The following NTRK3 variants were observed in gnomAD, a reference collection of about 807,000 sequenced individuals.
NTRK3 encodes neurotrophic receptor tyrosine kinase 3.
A neutral mutation model predicts 91.7 loss-of-function variants in NTRK3; 24 were observed. The observed-to-expected ratio is 0.26, with a 90% CI of 0.19 to 0.37. The LOEUF is 0.37. Ranked by LOEUF, NTRK3 falls within the 10% of genes least tolerant of loss-of-function variation. The pLI is 1.00. For synonymous variants in NTRK3, 483 were observed against 404.0 expected (o/e 1.20, Z -2.34); for missense variants, 880 against 1,068.9 (o/e 0.82, Z 2.46).
At chr15:87,896,178 A>C (rs1423412789) in intron 17 of NTRK3, among the ~76,000 whole-genome samples, 4 of 152,308 alleles carry the variant, frequency 2.6e-5, no homozygotes, top group Middle Eastern at 3.4e-3. Context: ...TAAATCTCTT[A>C]AAATATTTTA....
intron 5 of NTRK3, among the ~76,000 whole-genome samples, chr15:88,152,254 T>A (rs1315073904): frequency 2.6e-5 from 4 of 152,104 alleles, no homozygotes; most frequent in African/African-American, 9.7e-5. Flanking sequence ...TGAGCTGAGA[T>A]TGCGCCATTG....
At chr15:87,897,043 AT>A (rs1353889356) in intron 17 of NTRK3, among the ~76,000 whole-genome samples, 1 of 152,180 alleles carries the variant, frequency 6.6e-6, no homozygotes, top group Non-Finnish European at 1.5e-5. Flanking sequence ...AACAGCATCC[AT>A]TTAGCAGAAT....
At chr15:87,937,529 C>T (rs1195078613) in intron 15 of NTRK3, among the ~76,000 whole-genome samples, 1 of 152,084 alleles carries the variant, frequency 6.6e-6, no homozygotes, top group African/African-American at 2.4e-5. Context: ...ATTGTGACTA[C>T]TCAAAACAAA....
In NTRK3 at chr15:88,255,698, A is replaced by G. The variant is rs961159051; in HGVS notation, c.248+208T>C. Among the ~76,000 whole-genome samples the G allele has an allele frequency of 6.6e-6, 1 of 152,138 alleles. No individual in the cohort carries two copies. Among genetic ancestry groups the G allele is most frequent in the Non-Finnish European group, 1.5e-5 (1 of 68,026 alleles). On this transcript the variant is annotated intron_variant, in intron 3 of 18. Transcript: ENST00000394480. This position sits in a 1 kb window ranked among gnomAD's most constrained non-coding sequence, Gnocchi z 4.3. ...TCCGGGGAGAGGCACACACACGCATAGCCGGATCGCGCCTCGCCAGGGCCG... is the reference window on the plus strand; with the variant it reads ...TCCGGGGAGAGGCACACACACGCATGGCCGGATCGCGCCTCGCCAGGGCCG...
At chr15:87,970,993 T>C (rs1159458288) in intron 14 of NTRK3, among the ~76,000 whole-genome samples, 13 of 152,182 alleles carry the variant, frequency 8.5e-5, no homozygotes, top group Admixed American at 5.9e-4. Context: ...GTGGGGTTAT[T>C]CTGGTCTTCT....
chr15:87,916,477 A>G (rs1357464093), intron 17 of NTRK3: 4 of 701,468 alleles, frequency 5.7e-6, no homozygotes, highest in Non-Finnish European at 7.8e-6. Flanking sequence ...ATCCAATATA[A>G]GCATGCTTCA....
At chr15:88,101,656 G>A (rs2050186984) in intron 13 of NTRK3, among the ~76,000 whole-genome samples, 1 of 152,198 alleles carries the variant, frequency 6.6e-6, no homozygotes, top group South Asian at 2.1e-4. Context: ...AGAAAATGTG[G>A]CACATATACA....
chr15:87,912,409 C>T (rs1041145693), intron 17 of NTRK3, among the ~76,000 whole-genome samples: 1 of 152,182 alleles, frequency 6.6e-6, no homozygotes, highest in Non-Finnish European at 1.5e-5. Context: ...AAACCCAATT[C>T]CACCCCTCAT....
chr15:87,888,029 A>G (rs963539634), intron 17 of NTRK3, among the ~76,000 whole-genome samples: 4 of 152,190 alleles, frequency 2.6e-5, no homozygotes, highest in African/African-American at 9.6e-5. Context: ...ATTCCAAGGA[A>G]TGATTCTAGA....
At chr15:87,879,942 G>A (rs1045951959) in intron 18 of NTRK3, among the ~76,000 whole-genome samples, 2 of 152,126 alleles carry the variant, frequency 1.3e-5, no homozygotes, top group African/African-American at 4.8e-5. Context: ...CCACAAGATG[G>A]CACAATTGAA....
chr15:87,900,545 C>T (rs1247151436), intron 17 of NTRK3, among the ~76,000 whole-genome samples: 1 of 152,138 alleles, frequency 6.6e-6, no homozygotes, highest in Non-Finnish European at 1.5e-5. Context: ...ATAGTTGGAC[C>T]AGAGTTTTGC....
At chr15:87,916,168 A>G (rs2067433414) in intron 17 of NTRK3, 1 of 248,258 alleles carries the variant, frequency 4.0e-6, no homozygotes, top group Non-Finnish European at 7.9e-6. Context: ...ATTATGAGAG[A>G]AATACAATTC....
At chr15:88,073,849 G>T (rs1203933363) in intron 13 of NTRK3, among the ~76,000 whole-genome samples, 1 of 150,644 alleles carries the variant, frequency 6.6e-6, no homozygotes, top group African/African-American at 2.4e-5. Flanking sequence ...GGGTGTTCAT[G>T]GGGGAAGACT....
chr15:88,218,300 C>G (rs2049958863), intron 3 of NTRK3, among the ~76,000 whole-genome samples: 1 of 152,166 alleles, frequency 6.6e-6, no homozygotes, highest in South Asian at 2.1e-4. Context: ...ATAAACAAGA[C>G]TTCTCCATGC....
exon 19 of NTRK3, chr15:87,868,344 A>G (rs187362005): frequency 1.3e-5 from 3 of 226,982 alleles, no homozygotes; most frequent in Non-Finnish European, 1.8e-5. Flanking sequence ...GCCCAGAAAG[A>G]TATCTTTCCA....
chr15:87,909,379 C>A (rs1567095426), intron 17 of NTRK3, among the ~76,000 whole-genome samples: 1 of 152,190 alleles, frequency 6.6e-6, no homozygotes, highest in African/African-American at 2.4e-5. Flanking sequence ...GAGACACAGT[C>A]TCTGCTCTCA....
chr15:87,876,968 C>T (rs2141435161), exon 19 of NTRK3: 1 of 1,613,870 alleles, frequency 6.2e-7, no homozygotes, highest in Non-Finnish European at 8.5e-7. Context: ...TTGGGGTGGC[C>T]TTCCCCAAAG....
intron 14 of NTRK3, among the ~76,000 whole-genome samples, chr15:87,995,726 T>C (rs1323214073): frequency 6.6e-6 from 1 of 152,012 alleles, no homozygotes; most frequent in African/African-American, 2.4e-5. Flanking sequence ...GCTTTCTCTG[T>C]CAAGAGACAG....
At chr15:87,932,211 G>T (rs1165017175) in intron 16 of NTRK3, among the ~76,000 whole-genome samples, 1 of 152,186 alleles carries the variant, frequency 6.6e-6, no homozygotes, top group Admixed American at 6.5e-5. Flanking sequence ...AGTCCAGATG[G>T]TCTTGTTCTA....
Sources: allele counts gnomAD v4.1 joint callset (sites outside exome capture counted in the v4.1 genomes callset), GRCh38; gene constraint gnomAD v4.1.1; non-coding constraint Gnocchi (gnomAD v3.1); transcripts MANE v1.5; gene names NCBI Gene and HGNC (gene_info 2026-07-23, HGNC 2026-07-21).